KCNJ16: variants seen among roughly 807,000 people sequenced by gnomAD.
The protein encoded by KCNJ16 is potassium inwardly rectifying channel subfamily J member 16.
In KCNJ16, 15 loss-of-function variants were observed where a neutral mutation model predicts 18.5. The ratio of observed to expected loss-of-function variants is 0.81; its 90% CI spans 0.54 to 1.25. KCNJ16 has a LOEUF of 1.25. Ranked by LOEUF, KCNJ16 falls within the 50% of genes most tolerant of loss-of-function variation. The pLI, the probability that KCNJ16 is intolerant of heterozygous loss-of-function variation, is 0.00. For missense variants in KCNJ16, 523 were observed against 525.7 expected, an observed-to-expected ratio of 0.99 and a Z score of 0.05; for synonymous variants, 174 against 186.5, an observed-to-expected ratio of 0.93 and a Z score of 0.55.
intron 2 of KCNJ16, among the ~76,000 whole-genome samples, chr17:70,113,435 T>C (rs556202762): frequency 5.9e-5 from 9 of 152,240 alleles, no homozygotes; most frequent in Non-Finnish European, 1.3e-4. Context: ...GTCTTCACAA[T>C]ACTTCAGATA....
intron 1 of KCNJ16, among the ~76,000 whole-genome samples, chr17:70,075,687 G>A (rs768684692): frequency 3.3e-5 from 5 of 151,986 alleles, no homozygotes; most frequent in Admixed American, 6.6e-5. Flanking sequence ...TCTAAAAGTG[G>A]CTTTATTATA....
chr17:70,093,794 A>G (rs969800356), intron 1 of KCNJ16, among the ~76,000 whole-genome samples: 17 of 152,046 alleles, frequency 1.1e-4, no homozygotes, highest in African/African-American at 3.9e-4. Flanking sequence ...GGAAGCACTT[A>G]TTTTTCTACT....
Position 70,133,416 on chromosome 17 carries a change from G to T in KCNJ16, c.*72G>T, listed in dbSNP as rs534451640. The stretch of plus-strand genomic sequence containing the variant: ...CAGCCAATCAAGTCGTTGTAAACGT[G>T]GCTTTTTTGAAAGTGTTATGGCTAT... On this transcript the variant is annotated 3_prime_UTR_variant, in exon 4 of 4. Transcript: ENST00000392671. 7.2e-7 allele frequency: 1 copy of T among 1,381,960 alleles called. No homozygotes were observed. The highest frequency in any genetic ancestry group is 1.5e-5 in the African/African-American group (1 of 68,832). 85.6% of individuals were successfully genotyped at this position (1,381,960 alleles called of 1,614,324 possible).
At chr17:70,108,426 G>C (rs2073030087) in intron 2 of KCNJ16, 1 of 152,012 alleles carries the variant, frequency 6.6e-6, no homozygotes, top group African/African-American at 2.4e-5. Context: ...GGGTCAAGAT[G>C]AAAGTTAAGG....
intron 3 of KCNJ16, 122 bp downstream of exon 3, chr17:70,131,097 CA>C: frequency 9.3e-7 from 1 of 1,077,132 alleles, no homozygotes; most frequent in Non-Finnish European, 1.4e-6. Context: ...GAGAAGGGTT[CA>C]ATTGTAGCGT....
Position 70,086,826 on chromosome 17 carries a change from G to C in KCNJ16, c.-300+11436G>C, listed in dbSNP as rs150432070. Among the ~76,000 whole-genome samples the C allele has an allele frequency of 4.1e-3, 620 of 152,248 alleles. 3 individuals carry two copies. Among genetic ancestry groups the C allele is most frequent in the Middle Eastern group, 6.8e-3 (2 of 294 alleles). On this transcript the variant is annotated intron_variant, in intron 1 of 3. Transcript: ENST00000392671. ...TGGTACAATTTCTGATTTGATTCCT[G>C]ATGAAAATAACAAACAACATTTGTG...
In KCNJ16 at chr17:70,133,027, T is replaced by A. The variant is rs749293591; in HGVS notation, c.940T>A (p.Leu314Met). Residue 314 changes from leucine to methionine, a missense_variant, in exon 4 of 4, where the codon TTG (leucine) becomes ATG (methionine). Physicochemically the swap from Leu to Met is conservative, Grantham distance 15 (BLOSUM62 2). Transcript: ENST00000392671. Reference protein sequence around the residue: ...ILWGHRFNDVLEVKRKYYKVN... With the variant: ...ILWGHRFNDVMEVKRKYYKVN... ...CTGGGGCCATAGGTTTAATGATGTCTTGGAAGTTAAGAGGAAGTATTACAA... is the reference window on the plus strand; with the variant it reads ...CTGGGGCCATAGGTTTAATGATGTCATGGAAGTTAAGAGGAAGTATTACAA... 8 of 1,614,096 alleles carry A rather than the reference T, an allele frequency of 5.0e-6. No individual in the cohort carries two copies. Among genetic ancestry groups the A allele is most frequent in the Non-Finnish European group, 5.9e-6 (7 of 1,180,028 alleles).
rs75443514 is a variant in KCNJ16, at chr17:70,081,021, T to C, written c.-300+5631T>C. Among the ~76,000 whole-genome samples, 170 of 152,300 alleles carry C rather than the reference T, an allele frequency of 1.1e-3. 1 individual carries two copies. In the East Asian group the frequency reaches 0.03, roughly 26 times the overall value. ...ATGAATTCGGTTCTTAGCTGACCTG[T>C]TAGTGTTCTTGTAATATGTTATTGA... is the stretch of plus-strand genomic sequence containing the variant. On this transcript the variant is annotated intron_variant, in intron 1 of 3. Coordinates refer to ENST00000392671, the MANE Select transcript of KCNJ16 (RefSeq NM_170741.4).
intron 1 of KCNJ16, among the ~76,000 whole-genome samples, chr17:70,094,748 G>C (rs2072274708): frequency 6.6e-6 from 1 of 152,164 alleles, no homozygotes; most frequent in Admixed American, 6.5e-5. Flanking sequence ...ACGCTACATA[G>C]AATTACACTT....
intron 1 of KCNJ16, among the ~76,000 whole-genome samples, chr17:70,098,507 G>C (rs189820327): frequency 1.3e-5 from 2 of 150,744 alleles, no homozygotes; most frequent in Admixed American, 1.3e-4. Flanking sequence ...CAAGACAGCA[G>C]TTGAAATCTT....
At chr17:70,097,340 A>T (rs2072425285) in intron 1 of KCNJ16, among the ~76,000 whole-genome samples, 1 of 151,162 alleles carries the variant, frequency 6.6e-6, no homozygotes, top group Non-Finnish European at 1.5e-5. Context: ...TGTTTTTGTT[A>T]GAAAGGCCAT....
chr17:70,113,707 T>C (rs1321690800), intron 2 of KCNJ16, among the ~76,000 whole-genome samples: 3 of 152,152 alleles, frequency 2.0e-5, no homozygotes, highest in Non-Finnish European at 4.4e-5. Flanking sequence ...ATTACTAACT[T>C]GGGTTGCCGC....
Position 70,132,513 on chromosome 17 carries a change from A to G in KCNJ16, c.426A>G (p.Glu142=), listed in dbSNP as rs1431896948. Residue 142 remains glutamate, a synonymous_variant, in exon 4 of 4, where the codon GAA becomes GAG. Coordinates refer to ENST00000392671, the MANE Select transcript of KCNJ16 (RefSeq NM_170741.4). ...IGYGYRCVTE[E]CSVAVLMVIL... is the part of the protein sequence containing the mutation. ...ATGGTTATCGCTGTGTTACTGAAGA[A>G]TGTTCTGTGGCCGTGCTCATGGTGA... is the stretch of plus-strand genomic sequence containing the variant. 6.2e-7 allele frequency: 1 copy of G among 1,614,060 alleles called. No homozygotes were observed. The highest frequency in any genetic ancestry group is 2.2e-5 in the East Asian group (1 of 44,884).
chr17:70,124,220 C>A (rs2073766171), intron 2 of KCNJ16, among the ~76,000 whole-genome samples: 1 of 152,186 alleles, frequency 6.6e-6, no homozygotes, highest in African/African-American at 2.4e-5. Flanking sequence ...GGCCCTGGTT[C>A]AATAGTAACC....
chr17:70,088,240 A>G (rs901612649), intron 1 of KCNJ16, among the ~76,000 whole-genome samples: 4 of 152,104 alleles, frequency 2.6e-5, no homozygotes, highest in Admixed American at 6.5e-5. Flanking sequence ...GAGAGGGGAT[A>G]TGAAACTGTT....
chr17:70,112,509 A>G (rs1395579005), intron 2 of KCNJ16, among the ~76,000 whole-genome samples: 1 of 152,118 alleles, frequency 6.6e-6, no homozygotes, highest in African/African-American at 2.4e-5. Context: ...TGAATGAAAA[A>G]AAAAAATAGT....
intron 1 of KCNJ16, among the ~76,000 whole-genome samples, chr17:70,089,536 G>C (rs1013892691): frequency 6.6e-6 from 1 of 152,098 alleles, no homozygotes; most frequent in African/African-American, 2.4e-5. Context: ...TGGAATCTGT[G>C]ACTTGAGGGA....
chr17:70,107,608 A>G (rs1438966604), intron 2 of KCNJ16, among the ~76,000 whole-genome samples: 1 of 152,192 alleles, frequency 6.6e-6, no homozygotes, highest in Non-Finnish European at 1.5e-5. Context: ...CAATGCAATG[A>G]GCAAAGGCAC....
chr17:70,126,856 C>T (rs2073872657), intron 2 of KCNJ16, among the ~76,000 whole-genome samples: 1 of 152,138 alleles, frequency 6.6e-6, no homozygotes, highest in Non-Finnish European at 1.5e-5. Context: ...CCAGATTCTA[C>T]ATTTCTTCTA....
Sources: allele counts gnomAD v4.1 joint callset (sites outside exome capture counted in the v4.1 genomes callset), GRCh38; gene constraint gnomAD v4.1.1; transcripts MANE v1.5; gene names NCBI Gene and HGNC (gene_info 2026-07-23, HGNC 2026-07-21).